Variants in ORC2 observed in about 807,000 individuals in gnomAD.
ORC2 encodes the protein origin recognition complex protein 2 homolog.
ORC2 carries 37 observed loss-of-function variants against 77.7 expected under a neutral mutation model. That is an observed-to-expected ratio of 0.48 (90% CI 0.37 to 0.63). The LOEUF (loss-of-function observed/expected upper bound fraction) is 0.63, where lower values mean the gene tolerates loss of function less well. Ranked by LOEUF, ORC2 falls within the 20% of genes least tolerant of loss-of-function variation. The pLI is 0.00. For missense variants in ORC2, 557 were observed against 661.9 expected, an observed-to-expected ratio of 0.84 and a Z score of 1.74; for synonymous variants, 201 against 229.5, an observed-to-expected ratio of 0.88 and a Z score of 1.12.
rs144311142 is a variant in ORC2 at position 200,928,827 on chromosome 2, A to G, written c.918-1927T>C. ...AGACTCTGTCTCAAAAAAAAAAACA[A>G]CAAAAAAAAAGTCCTAAAAACTTTT... On this transcript the variant is annotated intron_variant, in intron 11 of 17. Coordinates refer to ENST00000234296, the MANE Select transcript of ORC2 (RefSeq NM_006190.5). Among the ~76,000 whole-genome samples the G allele has an allele frequency of 2.0e-5, 3 of 151,752 alleles. No individual in the cohort carries two copies. In the East Asian group the frequency reaches 5.8e-4, roughly 29 times the overall value.
chr2:200,944,002 G>A (rs1302782586), intron 5 of ORC2, among the ~76,000 whole-genome samples: 1 of 151,766 alleles, frequency 6.6e-6, no homozygotes, highest in South Asian at 2.1e-4. Context: ...TGATTCACAG[G>A]ATAGGGAAAA....
At chr2:200,960,864 C>T (rs2041557906) in intron 1 of ORC2, among the ~76,000 whole-genome samples, 1 of 151,066 alleles carries the variant, frequency 6.6e-6, no homozygotes, top group South Asian at 2.1e-4. Flanking sequence ...GCAACCTCCG[C>T]CTCCTGGGTT....
At chr2:200,942,530 G>A (rs574085082) in intron 6 of ORC2, among the ~76,000 whole-genome samples, 155 bp downstream of exon 6, 1 of 152,218 alleles carries the variant, frequency 6.6e-6, no homozygotes, top group East Asian at 1.9e-4. Flanking sequence ...GGTATACTAA[G>A]GTACATGAGT....
Position 200,911,305 on chromosome 2 carries a change from G to C in ORC2, c.1730C>G (p.Ala577Gly), listed in dbSNP as rs757572496. The C allele has an allele frequency of 6.3e-7, 1 of 1,594,948 alleles. No homozygotes were observed. The highest frequency in any genetic ancestry group is 1.3e-5 in the African/African-American group (1 of 74,630). The stretch of plus-strand genomic sequence containing the variant: ...ATTCAAGAATAAAGGAAAGCTTCAA[G>C]CCTCCTCTTCTTCCTTTTCCAAGAA... ...TDFLEKEEEEA is the reference protein window; with the variant it reads ...TDFLEKEEEEG The change falls in exon 18 of 18, where the codon GCT becomes GGT. Residue 577 changes from alanine to glycine, a missense_variant. Transcript: ENST00000234296.
At chr2:200,927,001 G>A in intron 11 of ORC2, 101 bp from the exon 12 acceptor site, 1 of 1,284,288 alleles carries the variant, frequency 7.8e-7, no homozygotes, top group Non-Finnish European at 1.1e-6. Context: ...AAAAAATACA[G>A]GAAAGGGGTA....
chr2:200,929,658 A>T (rs1278346355), intron 11 of ORC2, among the ~76,000 whole-genome samples: 1 of 152,226 alleles, frequency 6.6e-6, no homozygotes, highest in Admixed American at 6.5e-5. Context: ...TAGCCCAGGC[A>T]TGGTGGCACA....
chr2:200,921,637 T>C (rs1415139266), intron 13 of ORC2: 1 of 151,828 alleles, frequency 6.6e-6, no homozygotes, highest in African/African-American at 2.4e-5. Context: ...AGCAGCTTTT[T>C]GTTTTGTTTT....
chr2:200,922,987 C>A (rs2040784703), intron 13 of ORC2, among the ~76,000 whole-genome samples: 1 of 152,154 alleles, frequency 6.6e-6, no homozygotes, highest in Non-Finnish European at 1.5e-5. Context: ...TGAAAACAAA[C>A]CAAACAGATT....
intron 4 of ORC2, among the ~76,000 whole-genome samples, chr2:200,950,938 T>G (rs956872667): frequency 1.3e-5 from 2 of 152,200 alleles, no homozygotes; most frequent in Admixed American, 1.3e-4. Context: ...CACTGAACAT[T>G]TTTTTACAGG....
In ORC2 at chr2:200,947,714, G is replaced by A. The variant is rs569034176; in HGVS notation, c.328+1840C>T. 3.9e-5 allele frequency among the ~76,000 whole-genome samples: 6 copies of A among 151,998 alleles called. No homozygotes were observed. The South Asian group carries it at 1.0e-3, about 26-fold the overall frequency. The stretch of plus-strand genomic sequence containing the variant: ...GATGACCCCCTCATACCACAAGATC[G>A]AAATACAGTGCCATCTGATTTTTTT... On this transcript the variant is annotated intron_variant, in intron 5 of 17. Transcript: ENST00000234296.
chr2:200,919,213 A>C (rs573855094), intron 15 of ORC2, among the ~76,000 whole-genome samples: 1 of 152,344 alleles, frequency 6.6e-6, no homozygotes, highest in East Asian at 1.9e-4. Context: ...ATTTCTTTTC[A>C]TCTATCCAGC....
chr2:200,942,566 A>ATTAATATT lies in ORC2; in HGVS notation c.421+118_421+119insAATATTAA, dbSNP rs1421192715. 7.7e-6 allele frequency: 4 copies of ATTAATATT among 522,066 alleles called. No individual in the cohort carries two copies. The Admixed American group carries it at 1.5e-4, about 19-fold the overall frequency. 32.3% of individuals were successfully genotyped at this position (522,066 alleles called of 1,614,324 possible). On this transcript the variant is annotated intron_variant, in intron 6 of 17. Transcript: ENST00000234296. ...TGAAATATTAATTGCATTTTGTTGA[A>ATTAATATT]TGAATTTTCAGAAAAGAAGAAAATA...
chr2:200,952,425 A>G (rs2041377879), intron 4 of ORC2, among the ~76,000 whole-genome samples: 1 of 151,688 alleles, frequency 6.6e-6, no homozygotes, highest in Non-Finnish European at 1.5e-5. Context: ...ACACCCGGCT[A>G]ATTTTTTTTG....
intron 7 of ORC2, among the ~76,000 whole-genome samples, chr2:200,940,194 G>A (rs2041121872): frequency 6.6e-6 from 1 of 152,170 alleles, no homozygotes; most frequent in South Asian, 2.1e-4. Flanking sequence ...TGGCTACAAT[G>A]CATATAGCAT....
intron 15 of ORC2, among the ~76,000 whole-genome samples, chr2:200,917,555 T>C (rs2040677579): frequency 6.6e-6 from 1 of 152,196 alleles, no homozygotes; most frequent in Admixed American, 6.6e-5. Context: ...CTTGTGGTGA[T>C]GGTACAGCTG....
At chr2:200,916,768 T>C (rs2040660443) in intron 15 of ORC2, among the ~76,000 whole-genome samples, 1 of 152,000 alleles carries the variant, frequency 6.6e-6, no homozygotes, top group Non-Finnish European at 1.5e-5. Flanking sequence ...AGTGGTGCGA[T>C]CTCGGCTCAC....
chr2:200,919,369 TA>T (rs1431786931), intron 15 of ORC2, among the ~76,000 whole-genome samples: 4 of 152,298 alleles, frequency 2.6e-5, no homozygotes, highest in South Asian at 2.1e-4. Flanking sequence ...ATTTCTTTAT[TA>T]TTTTTTTGAG....
At chr2:200,913,849 C>T in intron 16 of ORC2, 82 bp downstream of exon 16, 1 of 1,491,312 alleles carries the variant, frequency 6.7e-7, no homozygotes, top group Non-Finnish European at 8.9e-7. Context: ...AAAAACTGCA[C>T]TGCTGTCATT....
At chr2:200,963,317 G>T in intron 1 of ORC2, 173 bp downstream of exon 1, 1 of 397,250 alleles carries the variant, frequency 2.5e-6, no homozygotes, top group Non-Finnish European at 4.4e-6. Flanking sequence ...GCCTGCGGGG[G>T]GCAGCGAGGC....
Sources: gnomAD v4.1 joint callset for allele counts (sites outside exome capture counted in the v4.1 genomes callset) on GRCh38, gnomAD v4.1.1 for gene constraint, MANE v1.5 for transcripts, NCBI Gene and HGNC (gene_info 2026-07-23, HGNC 2026-07-21) for gene names.